Variants in CPT1B observed in about 807,000 individuals in gnomAD.
CPT1B encodes carnitine O-palmitoyltransferase 1, muscle isoform.
CPT1B carries 57 observed loss-of-function variants against 92.7 expected under a neutral mutation model. The observed-to-expected ratio is 0.62, with a 90% confidence interval of 0.50 to 0.77. The LOEUF is 0.77. Ranked by LOEUF, CPT1B falls within the 30% of genes least tolerant of loss-of-function variation. The probability of loss-of-function intolerance (pLI) is 0.00; values close to 1 mark genes in which losing one functional copy is unlikely to be tolerated. For missense variants in CPT1B, 983 were observed against 1,017.4 expected (o/e 0.97, Z 0.46); for synonymous variants, 398 against 383.5 (o/e 1.04, Z -0.44).
In CPT1B at chr22:50,571,475, T is replaced by C; in HGVS notation, c.1640A>G (p.Tyr547Cys). ...AKALADDVEL[Y>C]CFQFLPFGKG... is the part of the protein sequence containing the mutation. Reference sequence around the variant, plus strand: ...GCCAAAGGGCAGGAACTGGAAGCAGTACAACTCCACGTCGTCTGCCAACGC... The same window carrying C: ...GCCAAAGGGCAGGAACTGGAAGCAGCACAACTCCACGTCGTCTGCCAACGC... Residue 547 changes from tyrosine (Y) to cysteine (C), a missense_variant, in exon 14 of 20, where the codon TAC becomes TGC. By Grantham distance (194) the Tyr-to-Cys change is radical. Coordinates refer to ENST00000312108, the MANE Select transcript of CPT1B (RefSeq NM_152246.3). 1 of 1,613,670 alleles carries C rather than the reference T, an allele frequency of 6.2e-7. No homozygotes were observed. The highest frequency in any genetic ancestry group is 8.5e-7 in the Non-Finnish European group (1 of 1,180,020).
intron 2 of CPT1B, 69 bp from the exon 3 acceptor site, chr22:50,577,532 G>C: frequency 6.3e-7 from 1 of 1,584,162 alleles, no homozygotes; most frequent in Non-Finnish European, 8.6e-7. Context: ...GAAGTCTTGG[G>C]AACTGGCTCC....
At chr22:50,574,841 C>T (rs2070359146) in intron 7 of CPT1B, 1 of 483,730 alleles carries the variant, frequency 2.1e-6, no homozygotes, top group South Asian at 2.3e-5. Context: ...CTTGCTCTGT[C>T]GCCCAGGCTG....
At chr22:50,569,222 G>C in intron 19 of CPT1B, 114 bp downstream of exon 19, 1 of 980,786 alleles carries the variant, frequency 1.0e-6, no homozygotes, top group Non-Finnish European at 1.5e-6. Context: ...CCTGCTGCCG[G>C]AGCTGTCCTT....
intron 3 of CPT1B, 70 bp from the exon 4 acceptor site, chr22:50,577,104 AG>A: frequency 1.3e-6 from 2 of 1,546,546 alleles, no homozygotes. Flanking sequence ...GAACTGTCTC[AG>A]GGGAGACACC....
chr22:50,572,710 C>T (rs574370237), intron 11 of CPT1B, among the ~76,000 whole-genome samples, 165 bp downstream of exon 11: 1 of 152,346 alleles, frequency 6.6e-6, no homozygotes, highest in South Asian at 2.1e-4. Context: ...GTCTTGAGCT[C>T]CTGCACTCAA....
rs1162425984 is a variant in CPT1B at position 50,577,829 on chromosome 22, T to C, written c.87A>G (p.Lys29=). 1 of 1,613,830 alleles carries C rather than the reference T, an allele frequency of 6.2e-7. No homozygotes were observed. Among genetic ancestry groups the C allele is most frequent in the South Asian group, 1.1e-5 (1 of 91,092 alleles). The change falls in exon 2 of 20, where the codon AAA becomes AAG. Residue 29 remains lysine (K), a synonymous_variant. Transcript: ENST00000312108. ...VDFRLSREAL[K]HVYLSGINSW... is the part of the protein sequence containing the mutation. ...AGTTGATCCCAGACAGGTAGACGTG[T>C]TTCAGGGCCTCCCGACTGAGCCGGA...
At position 50,577,790 on chromosome 22, in the gene CPT1B, G is replaced by C; in HGVS notation, c.126C>G (p.Arg42=). ...YLSGINSWKK[R]LIRIKNGILR... ...CTGTGCGCACCTTGATGCGGATCAG[G>C]CGTTTCTTCCAGGAGTTGATCCCAG... Residue 42 remains arginine (R), a synonymous_variant, in exon 2 of 20, where the codon CGC becomes CGG. Coordinates refer to ENST00000312108, the MANE Select transcript of CPT1B (RefSeq NM_152246.3). 6.2e-7 allele frequency: 1 copy of C among 1,613,844 alleles called. No individual in the cohort carries two copies. Among genetic ancestry groups the C allele is most frequent in the African/African-American group, 1.3e-5 (1 of 75,070 alleles).
Position 50,572,929 on chromosome 22 carries a change from T to C in CPT1B, c.1298A>G (p.Glu433Gly), listed in dbSNP as rs1446003067. Reference sequence around the variant, plus strand: ...CTTGCCATAGAGGCTGAGGCTGGCCTCATCTTCGGGGTCATAGGAGTAGGA... The same window carrying C: ...CTTGCCATAGAGGCTGAGGCTGGCCCCATCTTCGGGGTCATAGGAGTAGGA... ...EESYSYDPED[E>G]ASLSLYGKAL... is the part of the protein sequence containing the mutation. The change falls in exon 11 of 20, where the codon GAG (glutamate) becomes GGG (glycine). Residue 433 changes from glutamate to glycine, a missense_variant. Physicochemically the swap from Glu to Gly is moderately conservative, Grantham distance 98. Transcript: ENST00000312108. 1 of 1,613,576 alleles carries C rather than the reference T, an allele frequency of 6.2e-7. No homozygotes were observed. The highest frequency in any genetic ancestry group is 2.2e-5 in the East Asian group (1 of 44,862).
rs764035245 is a variant in CPT1B at position 50,573,836 on chromosome 22, T to C, written c.971-121A>G. On this transcript the variant is annotated intron_variant, in intron 9 of 19. Transcript: ENST00000312108. The surrounding 1 kb of genome is among the most constrained non-coding windows in gnomAD (Gnocchi z 5.0). ...GTTTTGCTCGGCCTCTGCCTGGGCC[T>C]TCCTGCCCCCTGGATGGGATCCGTG... 1.1e-6 allele frequency: 1 copy of C among 883,932 alleles called. No homozygotes were observed. The highest frequency in any genetic ancestry group is 1.9e-6 in the Non-Finnish European group (1 of 538,438). The allele number at this position is 883,932 out of a possible 1,614,324, so 54.8% of individuals were successfully genotyped here.
intron 16 of CPT1B, 124 bp downstream of exon 16, chr22:50,570,767 C>T: frequency 1.5e-6 from 2 of 1,344,174 alleles, no homozygotes; most frequent in South Asian, 1.3e-5. Flanking sequence ...AAAGCTGGCC[C>T]AGCACTCCAG....
At chr22:50,577,981 G>A (rs2070544307) in intron 1 of CPT1B, 47 bp from the exon 2 acceptor site, 6 of 1,417,430 alleles carry the variant, frequency 4.2e-6, no homozygotes, top group South Asian at 2.7e-5. Context: ...GGCCGGCCCC[G>A]CCGCCAGCCG....
At chr22:50,574,860 CG>C (rs1280589573) in intron 7 of CPT1B, 2 of 451,690 alleles carry the variant, frequency 4.4e-6, no homozygotes, top group African/African-American at 4.0e-5. Context: ...TGGAGTGCAG[CG>C]GAACAAGCAT....
In CPT1B at chr22:50,576,143, C is replaced by T. The variant is rs749784364; in HGVS notation, c.700-31G>A. ...GGGAGGTGGAAGGTTAGAGCTGGGG[C>T]GGGTGCAGCCAGGACACATGGCAGG... On this transcript the variant is annotated intron_variant, in intron 6 of 19. Coordinates refer to ENST00000312108, the MANE Select transcript of CPT1B (RefSeq NM_152246.3). The T allele has an allele frequency of 8.1e-6, 13 of 1,613,932 alleles. No homozygotes were observed. In the Admixed American group the frequency reaches 1.5e-4, roughly 19 times the overall value.
At chr22:50,569,924 G>C (rs1490703673) in intron 17 of CPT1B, among the ~76,000 whole-genome samples, 1 of 152,122 alleles carries the variant, frequency 6.6e-6, no homozygotes, top group Non-Finnish European at 1.5e-5. Flanking sequence ...CTCTCCAGAG[G>C]GTTCTCTAGC....
rs1569050595 is a variant in CPT1B, at chr22:50,578,390, C to G, written c.-24G>C. 1.3e-5 allele frequency: 2 copies of G among 153,244 alleles called. No individual in the cohort carries two copies. Among genetic ancestry groups the G allele is most frequent in the Admixed American group, 1.3e-4 (2 of 15,378 alleles). 9.5% of individuals were successfully genotyped at this position (153,244 alleles called of 1,614,324 possible). On this transcript the variant is annotated 5_prime_UTR_variant, in exon 1 of 20. Transcript: ENST00000312108. ...CCTGTGCCGGCCCCTACTCACAGCT[C>G]GGGTTCACTCCTGTCCGTGCGTGGG... is the stretch of plus-strand genomic sequence containing the variant.
intron 2 of CPT1B, 111 bp downstream of exon 2, chr22:50,577,664 C>A: frequency 1.3e-6 from 2 of 1,502,058 alleles, no homozygotes; most frequent in Non-Finnish European, 9.1e-7. Context: ...ACTTCCACAA[C>A]CTGTACCGGG....
Position 50,576,193 on chromosome 22 carries a change from C to T in CPT1B, c.699+5G>A, listed in dbSNP as rs1454803574. Reference sequence around the variant, plus strand: ...GTGACAGTGAGCCCAGGGGCAGGAACTTACATAGTTACTTGCCCACCATGA... The same window carrying T: ...GTGACAGTGAGCCCAGGGGCAGGAATTTACATAGTTACTTGCCCACCATGA... On this transcript the variant is annotated splice_donor_5th_base_variant and intron_variant, in intron 6 of 19. Coordinates refer to ENST00000312108, the MANE Select transcript of CPT1B (RefSeq NM_152246.3). The T allele has an allele frequency of 7.4e-6, 12 of 1,613,958 alleles. No individual in the cohort carries two copies. Among genetic ancestry groups the T allele is most frequent in the Non-Finnish European group, 1.0e-5 (12 of 1,180,028 alleles).
rs750222036 is a variant in CPT1B at position 50,577,445 on chromosome 22, C to T, written c.160G>A (p.Val54Met). ...CAGCTGGTGGGGCTGCCAGGGTACA[C>T]GCCCCTGAGGATGCCATTCTGTGGG... The part of the protein sequence containing the change: ...IRIKNGILRG[V>M]YPGSPTSWLV... The change falls in exon 3 of 20, where the codon GTG becomes ATG. Residue 54 changes from valine (V) to methionine (M), a missense_variant. Transcript: ENST00000312108. The T allele has an allele frequency of 6.8e-6, 11 of 1,613,732 alleles. No individual in the cohort carries two copies. Among genetic ancestry groups the T allele is most frequent in the Admixed American group, 1.7e-5 (1 of 60,026 alleles).
At position 50,577,909 on chromosome 22, in the gene CPT1B, C is replaced by T. The variant is rs1230626674; in HGVS notation, c.7G>A (p.Glu3Lys). The T allele has an allele frequency of 2.5e-6, 4 of 1,609,700 alleles. No homozygotes were observed. Among genetic ancestry groups the T allele is most frequent in the African/African-American group, 2.7e-5 (2 of 74,878 alleles). Residue 3 changes from glutamate (E) to lysine (K), a missense_variant, in exon 2 of 20, where the codon GAA becomes AAA. Physicochemically the swap from Glu to Lys is moderately conservative, Grantham distance 56. Coordinates refer to ENST00000312108, the MANE Select transcript of CPT1B (RefSeq NM_152246.3). Reference sequence around the variant, plus strand: ...TGGAAGGCCACGGCCTGGTGAGCTTCCGCCATCCTGGGGGTTGGTCGGCAC... The same window carrying T: ...TGGAAGGCCACGGCCTGGTGAGCTTTCGCCATCCTGGGGGTTGGTCGGCAC... MAEAHQAVAFQFT... is the reference protein window; with the variant it reads MAKAHQAVAFQFT...
Sources: gnomAD v4.1 joint callset for allele counts (sites outside exome capture counted in the v4.1 genomes callset) on GRCh38, gnomAD v4.1.1 for gene constraint, Gnocchi (gnomAD v3.1) non-coding constraint, MANE v1.5 for transcripts, NCBI Gene and HGNC (gene_info 2026-07-23, HGNC 2026-07-21) for gene names.